PRKCB: variants seen among roughly 807,000 people sequenced by gnomAD.
The protein encoded by PRKCB is protein kinase C beta type.
A neutral mutation model predicts 81.5 loss-of-function variants in PRKCB; 13 were observed. That is an observed-to-expected ratio of 0.16 (90% CI 0.10 to 0.25). The LOEUF (loss-of-function observed/expected upper bound fraction) is 0.25. Ranked by LOEUF, PRKCB falls within the 10% of genes least tolerant of loss-of-function variation. PRKCB has a pLI of 1.00. For missense variants in PRKCB, 509 were observed against 875.7 expected (o/e 0.58, Z 5.29); for synonymous variants, 335 against 321.4 (o/e 1.04, Z -0.45).
intron 2 of PRKCB, among the ~76,000 whole-genome samples, chr16:23,845,371 A>G (rs1001552345): frequency 2.1e-5 from 3 of 145,546 alleles, no homozygotes; most frequent in African/African-American, 7.5e-5. Context: ...TCTGGGAATT[A>G]AAAAAAAAAA....
At position 24,218,340 on chromosome 16, in the gene PRKCB, A is replaced by G; in HGVS notation, c.*3524A>G. The G allele has an allele frequency of 5.1e-6, 5 of 985,206 alleles. No individual in the cohort carries two copies. Among genetic ancestry groups the G allele is most frequent in the Non-Finnish European group, 6.0e-6 (5 of 829,914 alleles). The allele number at this position is 985,206 out of a possible 1,614,324, so 61.0% of individuals were successfully genotyped here. ...AAGTAACATGCCGAGCGCCTGGGGG[A>G]TGGAAACTCCTATAGCACCCCACAG... On this transcript the variant is annotated 3_prime_UTR_variant, in exon 17 of 17. Coordinates refer to ENST00000643927, the MANE Select transcript of PRKCB (RefSeq NM_002738.7).
intron 2 of PRKCB, among the ~76,000 whole-genome samples, chr16:23,982,202 C>T (rs1362722085): frequency 2.4e-5 from 1 of 41,774 alleles, no homozygotes; most frequent in African/African-American, 1.0e-4. Flanking sequence ...TTCCCTTCCC[C>T]TTCCCTTCCC....
intron 5 of PRKCB, among the ~76,000 whole-genome samples, chr16:24,055,563 G>A (rs1405983290): frequency 2.6e-5 from 4 of 152,214 alleles, no homozygotes; most frequent in African/African-American, 7.2e-5. Context: ...CCCCCATCGA[G>A]GATCAATGCT....
chr16:24,158,921 A>G (rs1426137230), intron 10 of PRKCB, among the ~76,000 whole-genome samples: 1 of 152,180 alleles, frequency 6.6e-6, no homozygotes, highest in Non-Finnish European at 1.5e-5. Context: ...TCGGCCTCCC[A>G]AAGTGCTGGG....
intron 2 of PRKCB, among the ~76,000 whole-genome samples, chr16:23,962,198 G>A (rs1003357905): frequency 6.6e-6 from 1 of 152,052 alleles, no homozygotes; most frequent in Non-Finnish European, 1.5e-5. Flanking sequence ...CCACCCTCTA[G>A]AGTTAGGCAT....
At chr16:23,881,353 A>G (rs1423336425) in intron 2 of PRKCB, among the ~76,000 whole-genome samples, 1 of 151,570 alleles carries the variant, frequency 6.6e-6, no homozygotes, top group African/African-American at 2.4e-5. Context: ...CCCAGGTTCA[A>G]GCAATTCTCC....
At chr16:23,957,779 T>C (rs889140415) in intron 2 of PRKCB, among the ~76,000 whole-genome samples, 2 of 152,088 alleles carry the variant, frequency 1.3e-5, no homozygotes, top group African/African-American at 4.8e-5. Context: ...GCCCTCACTT[T>C]CCGTAAACTC....
chr16:23,838,955 A>G (rs1962216911), intron 2 of PRKCB, among the ~76,000 whole-genome samples: 1 of 152,242 alleles, frequency 6.6e-6, no homozygotes, highest in Non-Finnish European at 1.5e-5. Context: ...CCCCTCAAAC[A>G]AAATGCCAAT....
At chr16:23,994,802 T>C (rs1026449650) in intron 3 of PRKCB, among the ~76,000 whole-genome samples, 4 of 152,254 alleles carry the variant, frequency 2.6e-5, no homozygotes, top group African/African-American at 9.6e-5. Flanking sequence ...AGAGCAGTTT[T>C]ATTGCAGCTG....
intron 2 of PRKCB, among the ~76,000 whole-genome samples, chr16:23,900,738 T>C (rs1193707992): frequency 7.1e-6 from 1 of 141,184 alleles, no homozygotes; most frequent in African/African-American, 2.7e-5. Context: ...TTTTTTTTTT[T>C]TTTTTTTTTT....
chr16:24,153,697 G>T (rs1967111683), intron 9 of PRKCB, among the ~76,000 whole-genome samples: 1 of 152,184 alleles, frequency 6.6e-6, no homozygotes, highest in Admixed American at 6.5e-5. Flanking sequence ...CGATGTGTCT[G>T]TGAGCCACAC....
At chr16:24,147,352 C>T (rs1028829742) in intron 9 of PRKCB, among the ~76,000 whole-genome samples, 6 of 150,826 alleles carry the variant, frequency 4.0e-5, no homozygotes, top group Non-Finnish European at 8.8e-5. Context: ...GCAGAAAGGT[C>T]TGCCCAAGCC....
chr16:24,159,715 C>G (rs905524554), intron 10 of PRKCB, among the ~76,000 whole-genome samples: 3 of 152,104 alleles, frequency 2.0e-5, no homozygotes, highest in Non-Finnish European at 4.4e-5. Flanking sequence ...ACTTTACAGC[C>G]AGGCACAGTG....
intron 6 of PRKCB, among the ~76,000 whole-genome samples, chr16:24,093,378 G>A (rs940538286): frequency 2.0e-5 from 3 of 152,172 alleles, no homozygotes; most frequent in African/African-American, 4.8e-5. Flanking sequence ...CCTCCCTTGA[G>A]GGTCTTCCCT....
At position 23,988,634 on chromosome 16, in the gene PRKCB, G is replaced by A. The variant is rs1964832700; in HGVS notation, c.288+44G>A. ...TTGCTTTTCTCTGTCCACAGTCAAT[G>A]CTGCCTTGTGATTAAATGTGAGTGA... On this transcript the variant is annotated intron_variant, in intron 3 of 16. Coordinates refer to ENST00000643927, the MANE Select transcript of PRKCB (RefSeq NM_002738.7). 2.0e-6 allele frequency: 3 copies of A among 1,533,118 alleles called. 1 individual carries two copies. The highest frequency in any genetic ancestry group is 2.7e-5 in the African/African-American group (2 of 73,300). 95.0% of individuals were successfully genotyped at this position (1,533,118 alleles called of 1,614,324 possible).
intron 2 of PRKCB, among the ~76,000 whole-genome samples, chr16:23,934,100 A>G (rs1418687637): frequency 3.3e-5 from 5 of 152,042 alleles, no homozygotes; most frequent in African/African-American, 7.3e-5. Context: ...TGATCAATGG[A>G]GGATTTCCTT....
chr16:23,868,776 G>A (rs8056423), intron 2 of PRKCB, among the ~76,000 whole-genome samples: 64,018 of 152,034 alleles, frequency 0.42, 13,804 homozygotes, highest in South Asian at 0.64. Flanking sequence ...GACTGGGGCC[G>A]GCTGCCAAGG....
intron 5 of PRKCB, among the ~76,000 whole-genome samples, chr16:24,072,906 G>A (rs1966129745): frequency 6.6e-6 from 1 of 152,136 alleles, no homozygotes; most frequent in South Asian, 2.1e-4. Context: ...TTTTAAGGCT[G>A]TTTAAAAATG....
chr16:23,958,337 C>T (rs1385402337), intron 2 of PRKCB, among the ~76,000 whole-genome samples: 1 of 151,150 alleles, frequency 6.6e-6, no homozygotes, highest in Non-Finnish European at 1.5e-5. Context: ...TGGGATCTCA[C>T]TCTGTCACCC....
Sources: allele counts gnomAD v4.1 joint callset (sites outside exome capture counted in the v4.1 genomes callset), GRCh38; gene constraint gnomAD v4.1.1; transcripts MANE v1.5; gene names NCBI Gene and HGNC (gene_info 2026-07-23, HGNC 2026-07-21).